SMARCB1: variants seen among roughly 807,000 people sequenced by gnomAD.
SMARCB1 encodes SWI/SNF-related matrix-associated actin-dependent regulator of chromatin subfamily B member 1.
A neutral mutation model predicts 49.0 loss-of-function variants in SMARCB1; 5 were observed. The ratio of observed to expected loss-of-function variants is 0.10; its 90% CI spans 0.05 to 0.21. SMARCB1 has a LOEUF of 0.21. SMARCB1 is among the 10% of genes least tolerant of loss of function. The pLI, the probability that SMARCB1 is intolerant of heterozygous loss-of-function variation, is 1.00. For missense variants in SMARCB1, 226 were observed against 509.2 expected (o/e 0.44, Z 5.35); for synonymous variants, 201 against 200.1 (o/e 1.00, Z -0.04).
At chr22:23,790,542 A>G (rs1471991490) in intron 1 of SMARCB1, among the ~76,000 whole-genome samples, 8 of 151,906 alleles carry the variant, frequency 5.3e-5, no homozygotes, top group Admixed American at 5.2e-4. Flanking sequence ...ACAGATTTTT[A>G]TTTTTATTTT....
In SMARCB1 at chr22:23,799,936, G is replaced by A. The variant is rs569758307; in HGVS notation, c.363-1008G>A. ...CCTGACCTCGTGATCTGCCCGCGTC[G>A]GCCTCCCAAAGTGCTGGGATTACAG... On this transcript the variant is annotated intron_variant, in intron 3 of 8. Coordinates refer to ENST00000644036, the MANE Select transcript of SMARCB1 (RefSeq NM_003073.5). Among the ~76,000 whole-genome samples, 189 of 150,182 alleles carry A rather than the reference G, an allele frequency of 1.3e-3. 1 individual carries two copies. In the Middle Eastern group the frequency reaches 0.038, roughly 30 times the overall value.
At chr22:23,811,543 T>C (rs1181875466) in intron 5 of SMARCB1, among the ~76,000 whole-genome samples, 1 of 152,238 alleles carries the variant, frequency 6.6e-6, no homozygotes, top group Non-Finnish European at 1.5e-5. Context: ...GAGTGTGTTC[T>C]CCAACCACAA....
rs190224314 is a variant in SMARCB1 at position 23,837,969 on chromosome 22, C to T, written c.*3789C>T. On this transcript the variant is annotated 3_prime_UTR_variant, in exon 9 of 9. Coordinates refer to ENST00000644036, the MANE Select transcript of SMARCB1 (RefSeq NM_003073.5). ...TCTCCCCTATGTGCTATTCCCTCAT[C>T]AAGATGAGCCAGTCCAATAAAGGCG... 145 of 1,270,228 alleles carry T rather than the reference C, an allele frequency of 1.1e-4. No individual in the cohort carries two copies. The African/African-American group carries it at 1.9e-3, about 17-fold the overall frequency. 78.7% of individuals were successfully genotyped at this position (1,270,228 alleles called of 1,614,324 possible).
intron 3 of SMARCB1, among the ~76,000 whole-genome samples, chr22:23,799,671 C>T (rs1264839099): frequency 8.5e-6 from 1 of 117,606 alleles, no homozygotes; most frequent in Non-Finnish European, 1.8e-5. Context: ...TGCCATCACA[C>T]CTGGCTAATT....
At chr22:23,823,894 C>G (rs761135053) in intron 6 of SMARCB1, 1 of 152,270 alleles carries the variant, frequency 6.6e-6, no homozygotes, top group Non-Finnish European at 1.5e-5. Flanking sequence ...TCCAGCTACT[C>G]AGGAGGCTGA....
chr22:23,803,155 C>T (rs1832403297), intron 4 of SMARCB1, 140 bp from the exon 5 acceptor site: 8 of 1,120,218 alleles, frequency 7.1e-6, no homozygotes, highest in African/African-American at 1.5e-5. Context: ...GCCTCGTCTG[C>T]TGCCTCAGCT....
intron 7 of SMARCB1, among the ~76,000 whole-genome samples, chr22:23,831,289 A>T: frequency 6.6e-6 from 1 of 152,210 alleles, no homozygotes; most frequent in Non-Finnish European, 1.5e-5. Flanking sequence ...CATGAAAGTG[A>T]GATCACATTG....
intron 5 of SMARCB1, among the ~76,000 whole-genome samples, chr22:23,814,358 G>A (rs1193793029): frequency 6.6e-6 from 1 of 152,170 alleles, no homozygotes; most frequent in Non-Finnish European, 1.5e-5. Context: ...AATGGCACTG[G>A]AGCAATTAGA....
In SMARCB1 at chr22:23,837,684, G is replaced by A. The variant is rs761253263; in HGVS notation, c.*3504G>A. On this transcript the variant is annotated 3_prime_UTR_variant, in exon 9 of 9. Coordinates refer to ENST00000644036, the MANE Select transcript of SMARCB1 (RefSeq NM_003073.5). ...CCAGCAGGTCCACGAGGATGGAGTTGCCCAGCAGCAGCGAGAAGCCCATGA... is the reference window on the plus strand; with the variant it reads ...CCAGCAGGTCCACGAGGATGGAGTTACCCAGCAGCAGCGAGAAGCCCATGA... 1 of 1,613,626 alleles carries A rather than the reference G, an allele frequency of 6.2e-7. No homozygotes were observed. The highest frequency in any genetic ancestry group is 8.5e-7 in the Non-Finnish European group (1 of 1,179,878).
At chr22:23,811,036 C>CAA (rs56238275) in intron 5 of SMARCB1, among the ~76,000 whole-genome samples, 90 of 131,538 alleles carry the variant, frequency 6.8e-4, no homozygotes, top group Non-Finnish European at 9.5e-4. Flanking sequence ...GACTGTGTCT[C>CAA]AAAAAAAAAA....
chr22:23,817,079 G>A, intron 6 of SMARCB1, 143 bp downstream of exon 6: 1 of 696,850 alleles, frequency 1.4e-6, no homozygotes, highest in Non-Finnish European at 2.6e-6. Context: ...ACCTGGCTTT[G>A]CTCCCTGCAA....
At chr22:23,826,803 C>CG (rs1399510043) in intron 7 of SMARCB1, among the ~76,000 whole-genome samples, 1 of 152,222 alleles carries the variant, frequency 6.6e-6, no homozygotes, top group East Asian at 1.9e-4. Flanking sequence ...GAGCCACCCA[C>CG]GGGGCTCAAG....
At chr22:23,787,287 TCCCCGGGCTCGGCCCCGCGGGAG>T in intron 1 of SMARCB1, 25 bp downstream of exon 1, 1 of 1,433,878 alleles carries the variant, frequency 7.0e-7, no homozygotes, top group Admixed American at 1.8e-5. Context: ...GTTCTCGCCC[TCCCCGGGCTCGGCCCCGCGGGAG>T]CCCCGGGGCG....
intron 6 of SMARCB1, chr22:23,818,710 A>T (rs1246961896): frequency 7.3e-6 from 1 of 136,290 alleles, no homozygotes; most frequent in Non-Finnish European, 1.5e-5. Flanking sequence ...GAATTTGACT[A>T]CTCGAGGTGT....
rs930473789 is a variant in SMARCB1, at chr22:23,837,385, G to A, written c.*3205G>A. On this transcript the variant is annotated 3_prime_UTR_variant, in exon 9 of 9. Coordinates refer to ENST00000644036, the MANE Select transcript of SMARCB1 (RefSeq NM_003073.5). Reference sequence around the variant, plus strand: ...GGGAGGGCCTGAGAATAGTGGAGGAGTGGGAGCCATGGGGCAGGAACCCTG... The same window carrying A: ...GGGAGGGCCTGAGAATAGTGGAGGAATGGGAGCCATGGGGCAGGAACCCTG... The A allele has an allele frequency of 9.1e-6, 6 of 661,236 alleles. No homozygotes were observed. In the South Asian group the frequency reaches 9.9e-5, roughly 11 times the overall value. 41.0% of individuals were successfully genotyped at this position (661,236 alleles called of 1,614,324 possible).
chr22:23,809,654 G>A (rs974617254), intron 5 of SMARCB1, among the ~76,000 whole-genome samples: 25 of 151,380 alleles, frequency 1.7e-4, no homozygotes, highest in Non-Finnish European at 2.5e-4. Flanking sequence ...CTCGTGTTCC[G>A]CCCGCCTTGG....
chr22:23,793,525 A>G (rs1928535323), intron 2 of SMARCB1, 34 bp from the exon 3 acceptor site: 3 of 1,613,482 alleles, frequency 1.9e-6, no homozygotes, highest in Admixed American at 1.7e-5. Flanking sequence ...CACCGCCACC[A>G]GCAGAGTGAC....
rs1568964507 is a variant in SMARCB1, at chr22:23,834,516, ACAGGTCATGTTCAATTTCTT to A, written c.*339_*358del. On this transcript the variant is annotated 3_prime_UTR_variant, in exon 9 of 9. Transcript: ENST00000644036. The stretch of plus-strand genomic sequence containing the variant: ...CAACAGGTCATGTTCAATTTCTTCA[ACAGGTCATGTTCAATTTCTT>A]CAAAGTTTTAACATAAAAATAATGA... 1.0e-5 allele frequency: 7 copies of A among 695,910 alleles called. No homozygotes were observed. Among genetic ancestry groups the A allele is most frequent in the Non-Finnish European group, 1.6e-5 (6 of 381,316 alleles). The allele number at this position is 695,910 out of a possible 1,614,324, so 43.1% of individuals were successfully genotyped here.
intron 5 of SMARCB1, among the ~76,000 whole-genome samples, chr22:23,808,367 C>T (rs1929647502): frequency 6.6e-6 from 1 of 152,072 alleles, no homozygotes; most frequent in Non-Finnish European, 1.5e-5. Context: ...GTGATCCGCC[C>T]ACCTCGGCCT....
Sources: allele counts gnomAD v4.1 joint callset (sites outside exome capture counted in the v4.1 genomes callset), GRCh38; gene constraint gnomAD v4.1.1; transcripts MANE v1.5; gene names NCBI Gene and HGNC (gene_info 2026-07-23, HGNC 2026-07-21).